Variants in ZBTB20 observed in about 807,000 individuals in gnomAD.
ZBTB20 encodes zinc finger and BTB domain-containing protein 20.
Under a neutral mutation model 56.9 loss-of-function variants are expected in ZBTB20, and 9 were observed. The observed-to-expected ratio is 0.16, with a 90% CI of 0.10 to 0.28. ZBTB20 has a LOEUF of 0.28. ZBTB20 is among the 10% of genes least tolerant of loss of function. ZBTB20 has a pLI of 1.00. For missense variants in ZBTB20, 655 were observed against 1,003.0 expected (o/e 0.65, Z 4.69); for synonymous variants, 417 against 420.7 (o/e 0.99, Z 0.11).
intron 6 of ZBTB20, among the ~76,000 whole-genome samples, chr3:114,598,104 T>C (rs1371989831): frequency 6.6e-6 from 1 of 152,106 alleles, no homozygotes; most frequent in Non-Finnish European, 1.5e-5. Context: ...CAAAGAGACA[T>C]TATCCACTTT....
At chr3:114,958,283 T>A (rs1315840722) in intron 3 of ZBTB20, among the ~76,000 whole-genome samples, 2 of 152,266 alleles carry the variant, frequency 1.3e-5, no homozygotes, top group African/African-American at 4.8e-5. Flanking sequence ...GAATTTATTT[T>A]GTAATATTTT....
At chr3:114,549,115 C>T (rs1183141136) in intron 6 of ZBTB20, among the ~76,000 whole-genome samples, 2 of 152,166 alleles carry the variant, frequency 1.3e-5, no homozygotes, top group Non-Finnish European at 2.9e-5. Context: ...ACGGCAGATG[C>T]TCCTCTTATT....
chr3:114,478,921 C>A (rs1343014125), intron 7 of ZBTB20, among the ~76,000 whole-genome samples: 1 of 152,118 alleles, frequency 6.6e-6, no homozygotes, highest in African/African-American at 2.4e-5. Flanking sequence ...AAAGGGGATG[C>A]TGCAATTCCT....
At chr3:114,509,510 T>G (rs1011128198) in intron 6 of ZBTB20, among the ~76,000 whole-genome samples, 11 of 150,322 alleles carry the variant, frequency 7.3e-5, no homozygotes, top group Non-Finnish European at 1.6e-4. Context: ...AGGGGTCATT[T>G]GCTTCCCCAC....
At chr3:114,976,042 C>A (rs957184703) in intron 2 of ZBTB20, among the ~76,000 whole-genome samples, 2 of 152,178 alleles carry the variant, frequency 1.3e-5, no homozygotes, top group Non-Finnish European at 2.9e-5. Flanking sequence ...GAAATTAAAT[C>A]ATGTACACCA....
rs2079111352 is a variant in ZBTB20, at chr3:114,327,849, T to C, written c.*11156A>G. 3 of 152,328 alleles carry C rather than the reference T, an allele frequency of 2.0e-5. No individual in the cohort carries two copies. In the South Asian group the frequency reaches 6.2e-4, roughly 32 times the overall value. 9.4% of individuals were successfully genotyped at this position (152,328 alleles called of 1,614,324 possible). On this transcript the variant is annotated 3_prime_UTR_variant, in exon 12 of 12. Coordinates refer to ENST00000675478, the MANE Select transcript of ZBTB20 (RefSeq NM_001348800.3). ...AAAGCTGAGAGGCGATGTGGTATCA[T>C]GGCAAGAATATTGGACCAGAAGTCA...
At position 114,607,552 on chromosome 3, in the gene ZBTB20, C is replaced by T. The variant is rs1418845118; in HGVS notation, c.-295+85976G>A. 1.2e-4 allele frequency among the ~76,000 whole-genome samples: 18 copies of T among 152,168 alleles called. No individual in the cohort carries two copies. The East Asian group carries it at 3.5e-3, about 30-fold the overall frequency. Reference sequence around the variant, plus strand: ...TCCCGACCTCAGGTGATCCACCCGCCTCGGCCTCCCAAAGTGCTGGGATTA... The same window carrying T: ...TCCCGACCTCAGGTGATCCACCCGCTTCGGCCTCCCAAAGTGCTGGGATTA... On this transcript the variant is annotated intron_variant, in intron 6 of 11. Coordinates refer to ENST00000675478, the MANE Select transcript of ZBTB20 (RefSeq NM_001348800.3).
chr3:114,568,574 G>T (rs926656283), intron 6 of ZBTB20, among the ~76,000 whole-genome samples: 1 of 152,194 alleles, frequency 6.6e-6, no homozygotes, highest in African/African-American at 2.4e-5. Context: ...TGGTATGCCA[G>T]TTTAACTCAC....
intron 6 of ZBTB20, among the ~76,000 whole-genome samples, chr3:114,511,199 A>C (rs919832854): frequency 6.6e-6 from 1 of 152,144 alleles, no homozygotes; most frequent in Non-Finnish European, 1.5e-5. Flanking sequence ...TATGCAGTAA[A>C]TGTAAGGCTC....
At chr3:115,092,326 T>G (rs916686303) in intron 1 of ZBTB20, among the ~76,000 whole-genome samples, 7 of 152,132 alleles carry the variant, frequency 4.6e-5, no homozygotes, top group Non-Finnish European at 1.0e-4. Flanking sequence ...AAGGTGGCAC[T>G]GTCGTGCTGA....
intron 4 of ZBTB20, among the ~76,000 whole-genome samples, chr3:114,879,276 G>A (rs769905885): frequency 5.3e-5 from 8 of 152,256 alleles, no homozygotes; most frequent in Non-Finnish European, 8.8e-5. Flanking sequence ...TTTTCCACCT[G>A]GTGAGAAGAA....
At chr3:114,915,456 TTCTA>T (rs1425089157) in intron 3 of ZBTB20, among the ~76,000 whole-genome samples, 1 of 151,986 alleles carries the variant, frequency 6.6e-6, no homozygotes, top group African/African-American at 2.4e-5. Flanking sequence ...TATTTGGGTC[TTCTA>T]TCTTTTTTTC....
chr3:114,906,995 T>C (rs1486974364), intron 3 of ZBTB20, among the ~76,000 whole-genome samples: 2 of 151,844 alleles, frequency 1.3e-5, no homozygotes, highest in Non-Finnish European at 2.9e-5. Context: ...CTATTATAGT[T>C]GGAGAAAAAT....
intron 7 of ZBTB20, among the ~76,000 whole-genome samples, chr3:114,411,421 GA>G (rs1334117114): frequency 6.6e-6 from 1 of 151,974 alleles, no homozygotes; most frequent in Non-Finnish European, 1.5e-5. Flanking sequence ...AAATAAAAGG[GA>G]AAAAAAGTGT....
At chr3:114,615,615 CT>C (rs1191362318) in intron 6 of ZBTB20, among the ~76,000 whole-genome samples, 1 of 152,190 alleles carries the variant, frequency 6.6e-6, no homozygotes, top group Non-Finnish European at 1.5e-5. Context: ...GTTCTGGCCC[CT>C]TTTATCATTT....
At chr3:114,634,459 T>C (rs2059143912) in intron 6 of ZBTB20, among the ~76,000 whole-genome samples, 1 of 152,116 alleles carries the variant, frequency 6.6e-6, no homozygotes, top group Non-Finnish European at 1.5e-5. Context: ...TATCAGCCAG[T>C]CCAAATGGCA....
chr3:114,936,133 T>C (rs1392048932), intron 3 of ZBTB20, among the ~76,000 whole-genome samples: 2 of 151,712 alleles, frequency 1.3e-5, no homozygotes, highest in Non-Finnish European at 2.9e-5. Context: ...GGAAACACAA[T>C]AATGGAGGAA....
intron 5 of ZBTB20, chr3:114,759,110 G>C (rs770065655): frequency 5.3e-5 from 8 of 152,114 alleles, no homozygotes; most frequent in Non-Finnish European, 1.2e-4. Context: ...CCCTGACTGC[G>C]TCACGAGCAC....
intron 3 of ZBTB20, among the ~76,000 whole-genome samples, chr3:114,901,935 A>C (rs1336173736): frequency 6.6e-6 from 1 of 152,142 alleles, no homozygotes; most frequent in Non-Finnish European, 1.5e-5. Context: ...TATCTACAAT[A>C]AGCATGACTT....
Sources: gnomAD v4.1 joint callset for allele counts (sites outside exome capture counted in the v4.1 genomes callset) on GRCh38, gnomAD v4.1.1 for gene constraint, MANE v1.5 for transcripts, NCBI Gene and HGNC (gene_info 2026-07-23, HGNC 2026-07-21) for gene names.